ARFGEF3: variants seen among roughly 807,000 people sequenced by gnomAD.
The protein encoded by ARFGEF3 is ARFGEF family member 3.
ARFGEF3 carries 96 observed loss-of-function variants against 221.7 expected under a neutral mutation model. The observed-to-expected ratio is 0.43, with a 90% confidence interval of 0.37 to 0.51. The LOEUF is 0.51. Among genes scored for constraint, ARFGEF3 ranks in the 20% least tolerant of loss-of-function variants. ARFGEF3 has a pLI of 0.00. For synonymous variants in ARFGEF3, 1,145 were observed against 1,126.8 expected (o/e 1.02, Z -0.32); for missense variants, 2,410 against 2,789.9 (o/e 0.86, Z 3.07).
intron 12 of ARFGEF3, among the ~76,000 whole-genome samples, chr6:138,277,144 CT>C (rs1779113073): frequency 6.6e-6 from 1 of 152,188 alleles, no homozygotes; most frequent in Admixed American, 6.5e-5. Context: ...TACTCTGCCC[CT>C]GGTCCCTGGT....
rs1282331668 is a variant in ARFGEF3, at chr6:138,317,195, A to G, written c.4346-56A>G. 3.8e-6 allele frequency: 6 copies of G among 1,581,772 alleles called. No individual in the cohort carries two copies. In the African/African-American group the frequency reaches 8.2e-5, roughly 22 times the overall value. On this transcript the variant is annotated intron_variant, in intron 26 of 33. Transcript: ENST00000251691. ...ATACAATGTTTAATTGGATCTTGAG[A>G]TGATTATTCATTGTGTCTAACTGGA...
intron 2 of ARFGEF3, among the ~76,000 whole-genome samples, chr6:138,190,717 C>T (rs1362069084): frequency 6.6e-6 from 1 of 152,114 alleles, no homozygotes; most frequent in African/African-American, 2.4e-5. Context: ...TGCTGTGTTT[C>T]CTGGGAAAAG....
chr6:138,304,017 A>T (rs1779675890), intron 22 of ARFGEF3, among the ~76,000 whole-genome samples: 1 of 152,146 alleles, frequency 6.6e-6, no homozygotes, highest in South Asian at 2.1e-4. Context: ...ACCGAGAGAA[A>T]TGAAAACATC....
intron 2 of ARFGEF3, among the ~76,000 whole-genome samples, chr6:138,181,647 T>C (rs1343625377): frequency 6.6e-6 from 1 of 152,234 alleles, no homozygotes; most frequent in African/African-American, 2.4e-5. Context: ...TTTTACCGTG[T>C]TGGCCAGGCT....
chr6:138,309,612 T>C lies in ARFGEF3; in HGVS notation c.4096+751T>C, dbSNP rs190246602. On this transcript the variant is annotated intron_variant, in intron 24 of 33. Coordinates refer to ENST00000251691, the MANE Select transcript of ARFGEF3 (RefSeq NM_020340.5). ...GGAAATCTTAGAACATTCCTACAAT[T>C]ATGGAGGCTGAGAAGTCCCACGATA... 6.0e-4 allele frequency among the ~76,000 whole-genome samples: 91 copies of C among 152,208 alleles called. 2 individuals carry two copies. Among genetic ancestry groups the C allele is most frequent in the African/African-American group, 2.0e-3 (83 of 41,534 alleles).
At chr6:138,183,181 AAC>A (rs1777114967) in intron 2 of ARFGEF3, among the ~76,000 whole-genome samples, 1 of 152,108 alleles carries the variant, frequency 6.6e-6, no homozygotes, top group Admixed American at 6.6e-5. Context: ...GAGAGGGCTG[AAC>A]ACAGAGGACA....
chr6:138,242,851 C>T, intron 6 of ARFGEF3, 101 bp from the exon 7 acceptor site: 1 of 978,612 alleles, frequency 1.0e-6, no homozygotes, highest in Non-Finnish European at 1.6e-6. Flanking sequence ...GCCCAGGGCA[C>T]CCCGGAAGCC....
intron 12 of ARFGEF3, among the ~76,000 whole-genome samples, chr6:138,275,410 T>C (rs1004426024): frequency 2.0e-5 from 3 of 152,136 alleles, no homozygotes; most frequent in Non-Finnish European, 2.9e-5. Context: ...TTTTCCACTT[T>C]GAAAGCTTTC....
Position 138,298,620 on chromosome 6 carries a change from G to A in ARFGEF3, c.3663G>A (p.Lys1221=), listed in dbSNP as rs998451572. Residue 1221 remains lysine (K), a synonymous_variant, in exon 22 of 34, where the codon AAG becomes AAA. Transcript: ENST00000251691. ...GAATTTTGCAGGCTGCTTGCCATAAGGAAAGACATGTGTCTCAGAAGGCTG... is the reference window on the plus strand; with the variant it reads ...GAATTTTGCAGGCTGCTTGCCATAAAGAAAGACATGTGTCTCAGAAGGCTG... ...APHLVEAACH[K]ERHVSQKAVS... 1.9e-6 allele frequency: 3 copies of A among 1,612,480 alleles called. No individual in the cohort carries two copies. The highest frequency in any genetic ancestry group is 2.5e-6 in the Non-Finnish European group (3 of 1,179,308).
At chr6:138,213,027 G>T (rs1453251204) in intron 4 of ARFGEF3, among the ~76,000 whole-genome samples, 2 of 151,928 alleles carry the variant, frequency 1.3e-5, no homozygotes, top group Non-Finnish European at 2.9e-5. Flanking sequence ...AATACCGCAC[G>T]CCTGTAATCC....
At chr6:138,336,137 C>T (rs112435436) in intron 33 of ARFGEF3, among the ~76,000 whole-genome samples, 158 bp from the exon 34 acceptor site, 14 of 152,184 alleles carry the variant, frequency 9.2e-5, no homozygotes, top group South Asian at 2.1e-4. Flanking sequence ...TAAATTAATA[C>T]GCCTACAATT....
At chr6:138,198,214 A>G (rs1031399323) in intron 2 of ARFGEF3, among the ~76,000 whole-genome samples, 5 of 152,206 alleles carry the variant, frequency 3.3e-5, no homozygotes, top group African/African-American at 9.7e-5. Flanking sequence ...ACAAATGCCA[A>G]TTTCATATGC....
At chr6:138,224,139 G>A (rs551620505) in intron 4 of ARFGEF3, among the ~76,000 whole-genome samples, 7 of 152,274 alleles carry the variant, frequency 4.6e-5, no homozygotes, top group African/African-American at 1.7e-4. Flanking sequence ...CCTGCAGAGG[G>A]CTCTGTTGGA....
intron 22 of ARFGEF3, among the ~76,000 whole-genome samples, chr6:138,304,009 C>G (rs374272455): frequency 2.0e-5 from 3 of 151,390 alleles, no homozygotes; most frequent in African/African-American, 7.3e-5. Flanking sequence ...GGTATATAAC[C>G]GAGAGAAATG....
At chr6:138,280,954 C>T (rs751731984) in intron 14 of ARFGEF3, among the ~76,000 whole-genome samples, 6 of 150,778 alleles carry the variant, frequency 4.0e-5, no homozygotes, top group Non-Finnish European at 8.9e-5. Context: ...TTACCAGCAT[C>T]CTTGTCTTCA....
At chr6:138,215,914 G>C (rs909861982) in intron 4 of ARFGEF3, 1 of 82,920 alleles carries the variant, frequency 1.2e-5, no homozygotes, top group African/African-American at 7.0e-5. Flanking sequence ...GAGAGAGAGT[G>C]TTGGGGAAAG....
chr6:138,264,078 C>A (rs888134851), intron 12 of ARFGEF3, among the ~76,000 whole-genome samples: 2 of 152,148 alleles, frequency 1.3e-5, no homozygotes, highest in Admixed American at 6.5e-5. Flanking sequence ...AGTGAACATT[C>A]GAACAATGTG....
At position 138,245,559 on chromosome 6, in the gene ARFGEF3, C is replaced by T. The variant is rs1370678789; in HGVS notation, c.633C>T (p.Thr211=). ...SLCDDVVSVL[T]VLCEKLQAAI... ...GTGATGATGTTGTCTCTGTACTCAC[C>T]GTCCTGTGTGAGAAGCTGCAAGCCG... The change falls in exon 8 of 34, where the codon ACC becomes ACT. Residue 211 remains threonine, a synonymous_variant. Coordinates refer to ENST00000251691, the MANE Select transcript of ARFGEF3 (RefSeq NM_020340.5). 1.9e-6 allele frequency: 3 copies of T among 1,610,090 alleles called. No individual in the cohort carries two copies. The highest frequency in any genetic ancestry group is 1.1e-5 in the South Asian group (1 of 89,930).
intron 10 of ARFGEF3, among the ~76,000 whole-genome samples, 182 bp from the exon 11 acceptor site, chr6:138,261,345 A>G (rs1778789949): frequency 6.6e-6 from 1 of 152,252 alleles, no homozygotes; most frequent in South Asian, 2.1e-4. Context: ...GATACACACC[A>G]TATGTCAAGA....
Sources: allele counts gnomAD v4.1 joint callset (sites outside exome capture counted in the v4.1 genomes callset), GRCh38; gene constraint gnomAD v4.1.1; transcripts MANE v1.5; gene names NCBI Gene and HGNC (gene_info 2026-07-23, HGNC 2026-07-21).